The following KCNAB1 variants were observed in gnomAD, a reference collection of about 807,000 sequenced individuals.
KCNAB1 encodes voltage-gated potassium channel subunit beta-1.
A neutral mutation model predicts 64.6 loss-of-function variants in KCNAB1; 35 were observed. The ratio of observed to expected loss-of-function variants is 0.54; its 90% CI spans 0.41 to 0.72. The LOEUF is 0.72. Ranked by LOEUF, KCNAB1 falls within the 30% of genes least tolerant of loss-of-function variation. The probability of loss-of-function intolerance (pLI) is 0.00; values close to 1 mark genes in which losing one functional copy is unlikely to be tolerated. For missense variants in KCNAB1, 401 were observed against 512.9 expected (o/e 0.78, Z 2.11); for synonymous variants, 177 against 183.8 (o/e 0.96, Z 0.30).
chr3:156,165,277 C>CAAAA (rs35419424), intron 1 of KCNAB1, among the ~76,000 whole-genome samples: 107 of 26,918 alleles, frequency 4.0e-3, no homozygotes, highest in Non-Finnish European at 5.6e-3. Flanking sequence ...GACTCCGTCT[C>CAAAA]AAAAAAAAAA....
intron 1 of KCNAB1, among the ~76,000 whole-genome samples, chr3:156,231,906 T>A (rs1180764329): frequency 6.6e-6 from 1 of 152,204 alleles, no homozygotes; most frequent in Non-Finnish European, 1.5e-5. Flanking sequence ...AAAACCAAGC[T>A]GTACCCCAAC....
intron 1 of KCNAB1, among the ~76,000 whole-genome samples, chr3:156,220,895 A>G (rs1715682345): frequency 6.6e-6 from 1 of 152,224 alleles, no homozygotes; most frequent in Non-Finnish European, 1.5e-5. Context: ...ATTTTTGTAT[A>G]AGGTGTAAGG....
At chr3:156,146,611 C>T (rs1715052158) in intron 1 of KCNAB1, among the ~76,000 whole-genome samples, 1 of 152,180 alleles carries the variant, frequency 6.6e-6, no homozygotes, top group African/African-American at 2.4e-5. Flanking sequence ...GGCTAGATAG[C>T]AAATATTTCA....
At chr3:156,276,669 A>G (rs1719365409) in intron 1 of KCNAB1, among the ~76,000 whole-genome samples, 1 of 152,166 alleles carries the variant, frequency 6.6e-6, no homozygotes, top group Admixed American at 6.5e-5. Context: ...TTCTTTCCTT[A>G]AAACTCATGC....
At chr3:156,202,742 T>C (rs764111719) in intron 1 of KCNAB1, among the ~76,000 whole-genome samples, 2 of 152,246 alleles carry the variant, frequency 1.3e-5, no homozygotes, top group Admixed American at 6.5e-5. Context: ...TTATTCCTAC[T>C]GTGCCAGTGG....
At chr3:156,456,225 C>T (rs1431799058) in intron 3 of KCNAB1, 1 of 152,180 alleles carries the variant, frequency 6.6e-6, no homozygotes, top group Non-Finnish European at 1.5e-5. Context: ...GGAAACATCT[C>T]TGTCATCATT....
intron 1 of KCNAB1, among the ~76,000 whole-genome samples, chr3:156,243,350 G>C (rs947091728): frequency 2.0e-5 from 3 of 152,058 alleles, no homozygotes; most frequent in Non-Finnish European, 4.4e-5. Flanking sequence ...TCAGCCTCCT[G>C]AATAGCTGGG....
chr3:156,352,441 G>T (rs1724920107), intron 1 of KCNAB1, among the ~76,000 whole-genome samples: 1 of 152,148 alleles, frequency 6.6e-6, no homozygotes. Flanking sequence ...GAATTATAAG[G>T]GACAGAGCCT....
intron 8 of KCNAB1, among the ~76,000 whole-genome samples, chr3:156,480,534 TTAAAG>T (rs1714714049): frequency 6.9e-6 from 1 of 145,468 alleles, no homozygotes; most frequent in Admixed American, 6.6e-5. Flanking sequence ...ATTTCTGAAC[TTAAAG>T]TAAAAAAAAA....
chr3:156,291,588 G>A, intron 1 of KCNAB1: 4 of 1,240,496 alleles, frequency 3.2e-6, no homozygotes, highest in Non-Finnish European at 4.1e-6. Context: ...CCCACTGCAT[G>A]GATTTGGCTG....
chr3:156,535,163 T>A (rs1015896889), intron 13 of KCNAB1, among the ~76,000 whole-genome samples: 3 of 152,192 alleles, frequency 2.0e-5, no homozygotes, highest in African/African-American at 7.2e-5. Flanking sequence ...CAGTAAAACA[T>A]TAACCAGAAT....
At chr3:156,161,511 T>C (rs1225207617) in intron 1 of KCNAB1, among the ~76,000 whole-genome samples, 1 of 152,188 alleles carries the variant, frequency 6.6e-6, no homozygotes, top group African/African-American at 2.4e-5. Context: ...TACCTGACAT[T>C]TGTGATAAGA....
chr3:156,296,408 G>C (rs911135990), intron 1 of KCNAB1, among the ~76,000 whole-genome samples: 2 of 149,816 alleles, frequency 1.3e-5, no homozygotes, highest in East Asian at 3.9e-4. Flanking sequence ...ATTGGCATAT[G>C]ATGGGCCCCA....
chr3:156,198,074 C>T (rs929572626), intron 1 of KCNAB1, among the ~76,000 whole-genome samples: 33 of 152,278 alleles, frequency 2.2e-4, no homozygotes, highest in African/African-American at 7.2e-4. Flanking sequence ...GCAGGTTGTT[C>T]GGTTTCCATG....
chr3:156,207,454 C>A (rs1405430065), intron 1 of KCNAB1, among the ~76,000 whole-genome samples: 2 of 152,188 alleles, frequency 1.3e-5, no homozygotes, highest in Non-Finnish European at 2.9e-5. Flanking sequence ...TAGGTTACTG[C>A]AGCAACCCTT....
intron 1 of KCNAB1, among the ~76,000 whole-genome samples, chr3:156,409,495 T>C (rs1160148155): frequency 6.6e-6 from 1 of 152,248 alleles, no homozygotes; most frequent in East Asian, 1.9e-4. Flanking sequence ...TCAGGTTTTA[T>C]CTTAAGGCCC....
intron 1 of KCNAB1, among the ~76,000 whole-genome samples, chr3:156,295,933 T>G (rs1720745424): frequency 6.6e-6 from 1 of 152,216 alleles, no homozygotes; most frequent in Non-Finnish European, 1.5e-5. Flanking sequence ...CAGTCTACTC[T>G]GCTATCAAAC....
At chr3:156,297,707 A>G (rs924899339) in intron 1 of KCNAB1, among the ~76,000 whole-genome samples, 6 of 152,146 alleles carry the variant, frequency 3.9e-5, no homozygotes, top group Non-Finnish European at 8.8e-5. Context: ...AATTAAAACA[A>G]TTCAACTGAA....
chr3:156,182,160 G>A (rs4453801), intron 1 of KCNAB1, among the ~76,000 whole-genome samples: 88,720 of 151,928 alleles, frequency 0.58, 26,729 homozygotes, highest in East Asian at 0.9. Flanking sequence ...TAAAATCCCT[G>A]TTCCCTCACT....
Sources: gnomAD v4.1 joint callset for allele counts (sites outside exome capture counted in the v4.1 genomes callset) on GRCh38, gnomAD v4.1.1 for gene constraint, MANE v1.5 for transcripts, NCBI Gene and HGNC (gene_info 2026-07-23, HGNC 2026-07-21) for gene names.